Variants in SND1 observed in about 807,000 individuals in gnomAD.
The protein encoded by SND1 is staphylococcal nuclease and tudor domain containing 1.
In SND1, 38 loss-of-function variants were observed where a neutral mutation model predicts 121.7. The ratio of observed to expected loss-of-function variants is 0.31; its 90% CI spans 0.24 to 0.41. The LOEUF is 0.41. SND1 is among the 10% of genes least tolerant of loss of function. The pLI, the probability that SND1 is intolerant of heterozygous loss-of-function variation, is 1.00. For missense variants in SND1, 868 were observed against 1,184.6 expected (o/e 0.73, Z 3.92); for synonymous variants, 401 against 447.4 (o/e 0.90, Z 1.31).
chr7:127,762,492 C>T (rs1364882437), intron 10 of SND1, among the ~76,000 whole-genome samples: 1 of 152,198 alleles, frequency 6.6e-6, no homozygotes, highest in Non-Finnish European at 1.5e-5. Flanking sequence ...GTAATGGCCT[C>T]ATTTAAATGT....
intron 11 of SND1, 152 bp downstream of exon 11, chr7:127,807,725 A>G (rs983660213): frequency 1.7e-5 from 11 of 655,656 alleles, no homozygotes; most frequent in Middle Eastern, 2.5e-4. Context: ...AGGCGTGTTT[A>G]TGTGTCAGAA....
intron 10 of SND1, among the ~76,000 whole-genome samples, chr7:127,752,135 A>G (rs1002077809): frequency 2.0e-5 from 3 of 152,096 alleles, no homozygotes; most frequent in Admixed American, 1.3e-4. Context: ...ATCCTAGGAT[A>G]TTGTCTTCCT....
intron 15 of SND1, among the ~76,000 whole-genome samples, chr7:127,968,066 T>C (rs2116881082): frequency 6.6e-6 from 1 of 152,360 alleles, no homozygotes; most frequent in South Asian, 2.1e-4. Flanking sequence ...GTCACACAGC[T>C]TTAATTAGGG....
intron 10 of SND1, among the ~76,000 whole-genome samples, chr7:127,799,207 TA>T (rs1228697522): frequency 6.6e-6 from 1 of 152,082 alleles, no homozygotes; most frequent in Non-Finnish European, 1.5e-5. Flanking sequence ...CTTTTGGCAG[TA>T]AAAAACCAAG....
chr7:127,820,540 G>A (rs6976887), intron 11 of SND1, among the ~76,000 whole-genome samples: 35,990 of 152,056 alleles, frequency 0.24, 5,189 homozygotes, highest in African/African-American at 0.41. Flanking sequence ...GGGGCAAATG[G>A]TAATAAGATC....
At chr7:127,713,439 G>C (rs562213282) in intron 9 of SND1, among the ~76,000 whole-genome samples, 1 of 152,318 alleles carries the variant, frequency 6.6e-6, no homozygotes, top group Non-Finnish European at 1.5e-5. Flanking sequence ...TCCTAAAAAA[G>C]TTCTAAGATA....
Position 127,774,580 on chromosome 7 carries a change from A to G in SND1, c.1153-32904A>G, listed in dbSNP as rs1238474056. ...CCATACAAGCATATCATTTTTTATC[A>G]TTTTTTTTTTTTTTTTGAGACGGAG... is the stretch of plus-strand genomic sequence containing the variant. On this transcript the variant is annotated intron_variant, in intron 10 of 23. Transcript: ENST00000354725. 2.2e-5 allele frequency among the ~76,000 whole-genome samples: 3 copies of G among 139,208 alleles called. No individual in the cohort carries two copies. The South Asian group carries it at 6.9e-4, about 32-fold the overall frequency. 91.3% of individuals were successfully genotyped at this position (139,208 alleles called of 152,430 possible).
At chr7:127,905,599 C>A (rs529316633) in intron 14 of SND1, among the ~76,000 whole-genome samples, 2 of 152,046 alleles carry the variant, frequency 1.3e-5, no homozygotes, top group Non-Finnish European at 2.9e-5. Flanking sequence ...TGTCAGGTAG[C>A]GAAAACTACT....
intron 12 of SND1, among the ~76,000 whole-genome samples, chr7:127,869,050 T>C (rs768112645): frequency 6.6e-6 from 1 of 152,072 alleles, no homozygotes; most frequent in Non-Finnish European, 1.5e-5. Flanking sequence ...AAAAGTGCTA[T>C]AGAGAAAACT....
chr7:127,871,587 GT>G (rs1453380046), intron 12 of SND1, among the ~76,000 whole-genome samples: 3 of 151,980 alleles, frequency 2.0e-5, no homozygotes, highest in African/African-American at 7.3e-5. Flanking sequence ...TGAGTGTTTG[GT>G]TTTTCATTAT....
At chr7:127,691,779 A>ATTTT (rs75566883) in intron 2 of SND1, among the ~76,000 whole-genome samples, 2 of 127,074 alleles carry the variant, frequency 1.6e-5, no homozygotes, top group South Asian at 2.6e-4. Context: ...TGCCTGGCTA[A>ATTTT]TTTTTTTTTT....
chr7:127,841,204 T>C (rs540514830), intron 11 of SND1, among the ~76,000 whole-genome samples: 47 of 152,282 alleles, frequency 3.1e-4, no homozygotes, highest in African/African-American at 1.1e-3. Flanking sequence ...GTCCCACCCC[T>C]GTCTGCCTAC....
intron 15 of SND1, among the ~76,000 whole-genome samples, chr7:127,973,523 G>T (rs1340938843): frequency 6.6e-6 from 1 of 152,156 alleles, no homozygotes; most frequent in Non-Finnish European, 1.5e-5. Context: ...CAAGCCAAGG[G>T]CAGAGGAGTG....
intron 16 of SND1, among the ~76,000 whole-genome samples, chr7:128,073,912 C>T (rs1793459397): frequency 2.0e-5 from 3 of 152,208 alleles, no homozygotes. Context: ...CCACAGCCCA[C>T]ACCCTTCTGG....
intron 10 of SND1, among the ~76,000 whole-genome samples, chr7:127,783,737 A>G (rs1263130859): frequency 6.6e-6 from 1 of 152,214 alleles, no homozygotes; most frequent in African/African-American, 2.4e-5. Flanking sequence ...ATCATCAAGC[A>G]CTTATTGAGC....
chr7:127,897,459 G>A (rs1231688803), intron 13 of SND1, among the ~76,000 whole-genome samples: 1 of 152,132 alleles, frequency 6.6e-6, no homozygotes, highest in Admixed American at 6.6e-5. Flanking sequence ...GGTGATTTCA[G>A]TGAACAAGTA....
intron 10 of SND1, among the ~76,000 whole-genome samples, chr7:127,784,996 G>A (rs527674946): frequency 1.3e-5 from 2 of 152,212 alleles, no homozygotes; most frequent in Admixed American, 1.3e-4. Flanking sequence ...ACGGCTTACT[G>A]TAGCCTCTTG....
At chr7:127,843,729 A>G (rs1344628466) in intron 11 of SND1, among the ~76,000 whole-genome samples, 1 of 152,104 alleles carries the variant, frequency 6.6e-6, no homozygotes, top group Non-Finnish European at 1.5e-5. Flanking sequence ...TATGTTTTCA[A>G]CTCCTCAAGT....
chr7:127,795,215 C>G (rs1014707618), intron 10 of SND1, among the ~76,000 whole-genome samples: 1 of 152,212 alleles, frequency 6.6e-6, no homozygotes, highest in African/African-American at 2.4e-5. Flanking sequence ...CTCATTTAAA[C>G]AGCACCCAAA....
Sources: gnomAD v4.1 joint callset for allele counts (sites outside exome capture counted in the v4.1 genomes callset) on GRCh38, gnomAD v4.1.1 for gene constraint, MANE v1.5 for transcripts, NCBI Gene and HGNC (gene_info 2026-07-23, HGNC 2026-07-21) for gene names.